DLGAP2: variants seen among roughly 807,000 people sequenced by gnomAD.
DLGAP2 encodes disks large-associated protein 2.
A neutral mutation model predicts 100.3 loss-of-function variants in DLGAP2; 26 were observed. The observed-to-expected ratio is 0.26, with a 90% CI of 0.19 to 0.36. The LOEUF (loss-of-function observed/expected upper bound fraction) is 0.36, where lower values mean the gene tolerates loss of function less well. DLGAP2 is among the 10% of genes least tolerant of loss of function. DLGAP2 has a pLI of 1.00. For missense variants in DLGAP2, 1,858 were observed against 1,453.2 expected, an observed-to-expected ratio of 1.28 and a Z score of -4.53; for synonymous variants, 886 against 630.1, an observed-to-expected ratio of 1.41 and a Z score of -6.08.
chr8:1,595,876 TTTATTA>T (rs1361051483), intron 6 of DLGAP2, among the ~76,000 whole-genome samples: 2 of 140,452 alleles, frequency 1.4e-5, no homozygotes, highest in Admixed American at 7.4e-5. Context: ...TTTTTTTAAT[TTTATTA>T]TTATTATACT....
intron 1 of DLGAP2, among the ~76,000 whole-genome samples, chr8:766,257 A>G (rs1821213506): frequency 6.6e-6 from 1 of 152,200 alleles, no homozygotes; most frequent in Non-Finnish European, 1.5e-5. Flanking sequence ...ATATGCACAC[A>G]CACCCTAGGT....
intron 1 of DLGAP2, among the ~76,000 whole-genome samples, chr8:780,844 T>G (rs1213908213): frequency 1.3e-5 from 2 of 152,186 alleles, no homozygotes; most frequent in Non-Finnish European, 2.9e-5. Context: ...CCACACCCCC[T>G]TTTTATTCCT....
At chr8:867,433 G>A (rs1303409569) in intron 1 of DLGAP2, among the ~76,000 whole-genome samples, 1 of 152,208 alleles carries the variant, frequency 6.6e-6, no homozygotes, top group East Asian at 1.9e-4. Context: ...TCCTTCAGAG[G>A]GTTCTAACAG....
At chr8:824,635 C>A (rs562050772) in intron 1 of DLGAP2, among the ~76,000 whole-genome samples, 1 of 151,912 alleles carries the variant, frequency 6.6e-6, no homozygotes, top group South Asian at 2.1e-4. Flanking sequence ...TGACTGCTGA[C>A]CTCCTGGTGG....
chr8:1,458,912 C>G (rs952230453), intron 3 of DLGAP2, among the ~76,000 whole-genome samples: 1 of 152,240 alleles, frequency 6.6e-6, no homozygotes, highest in African/African-American at 2.4e-5. Context: ...CACTCAGCAT[C>G]TTTCCCACCA....
intron 13 of DLGAP2, among the ~76,000 whole-genome samples, chr8:1,695,522 A>G (rs1799373507): frequency 6.8e-6 from 1 of 146,714 alleles, no homozygotes; most frequent in African/African-American, 2.6e-5. Flanking sequence ...AAGGGGGCAC[A>G]GCCATGCCCG....
At chr8:1,482,612 G>A (rs1322689242) in intron 3 of DLGAP2, among the ~76,000 whole-genome samples, 2 of 152,232 alleles carry the variant, frequency 1.3e-5, no homozygotes, top group African/African-American at 2.4e-5. Context: ...CGGGGTGGGC[G>A]GCTTGCTCGG....
chr8:1,365,343 G>T (rs1057333619), intron 3 of DLGAP2, among the ~76,000 whole-genome samples: 26 of 152,150 alleles, frequency 1.7e-4, no homozygotes, highest in African/African-American at 6.0e-4. Context: ...GTCCCCAGAT[G>T]CTGGGAAACA....
At chr8:743,076 C>A (rs1208216205) in intron 1 of DLGAP2, among the ~76,000 whole-genome samples, 1 of 152,164 alleles carries the variant, frequency 6.6e-6, no homozygotes, top group Non-Finnish European at 1.5e-5. Context: ...TTTATTATTT[C>A]TGGTCTTGTT....
At chr8:980,379 C>T (rs145890430) in intron 2 of DLGAP2, among the ~76,000 whole-genome samples, 136 of 152,248 alleles carry the variant, frequency 8.9e-4, no homozygotes, top group African/African-American at 2.9e-3. Context: ...CTCAGCAGTG[C>T]GTAGGGATAG....
chr8:894,957 G>A, intron 1 of DLGAP2, among the ~76,000 whole-genome samples: 1 of 143,724 alleles, frequency 7.0e-6, no homozygotes, highest in Admixed American at 7.0e-5. Flanking sequence ...TGGGGAAAGT[G>A]GGGTGGCGGA....
chr8:1,138,791 T>C (rs1796468530), intron 2 of DLGAP2, among the ~76,000 whole-genome samples: 1 of 152,088 alleles, frequency 6.6e-6, no homozygotes, highest in Non-Finnish European at 1.5e-5. Flanking sequence ...TGTCCTGACC[T>C]GTGCAGCTGG....
At chr8:1,664,205 G>T (rs1474097889) in intron 8 of DLGAP2, among the ~76,000 whole-genome samples, 1 of 152,164 alleles carries the variant, frequency 6.6e-6, no homozygotes, top group African/African-American at 2.4e-5. Context: ...GACAGGCCGT[G>T]TCACCTGGCC....
At chr8:817,713 A>T (rs922225179) in intron 1 of DLGAP2, among the ~76,000 whole-genome samples, 2 of 151,976 alleles carry the variant, frequency 1.3e-5, no homozygotes, top group African/African-American at 4.8e-5. Flanking sequence ...TGAGAACCAA[A>T]CTGTAGTGAT....
At chr8:1,331,854 C>G (rs1034678161) in intron 3 of DLGAP2, among the ~76,000 whole-genome samples, 1 of 152,114 alleles carries the variant, frequency 6.6e-6, no homozygotes, top group Non-Finnish European at 1.5e-5. Flanking sequence ...GGCTGTGGAT[C>G]CCTCCTCTCA....
chr8:1,523,169 C>A (rs369704312), intron 4 of DLGAP2, among the ~76,000 whole-genome samples: 8 of 152,178 alleles, frequency 5.3e-5, no homozygotes, highest in African/African-American at 1.9e-4. Flanking sequence ...GAGGAAAAGG[C>A]CCCCCTCTGG....
chr8:1,459,936 T>C (rs1798427498), intron 3 of DLGAP2, among the ~76,000 whole-genome samples: 1 of 152,178 alleles, frequency 6.6e-6, no homozygotes, highest in African/African-American at 2.4e-5. Context: ...TCCACCCACC[T>C]CAGCCTCCCA....
chr8:1,450,501 C>G (rs1001933126), intron 3 of DLGAP2, among the ~76,000 whole-genome samples: 8 of 150,702 alleles, frequency 5.3e-5, no homozygotes, highest in Non-Finnish European at 8.9e-5. Context: ...TGGGCGGCCT[C>G]GGTGGCTGAG....
intron 4 of DLGAP2, among the ~76,000 whole-genome samples, chr8:1,515,379 C>T (rs1800332634): frequency 6.6e-6 from 1 of 152,234 alleles, no homozygotes; most frequent in Non-Finnish European, 1.5e-5. Context: ...CATACACATG[C>T]ACATACATGA....
Sources: gnomAD v4.1 joint callset for allele counts (sites outside exome capture counted in the v4.1 genomes callset) on GRCh38, gnomAD v4.1.1 for gene constraint, MANE v1.5 for transcripts, NCBI Gene and HGNC (gene_info 2026-07-23, HGNC 2026-07-21) for gene names.